The following SP4 variants were observed in gnomAD, a reference collection of about 807,000 sequenced individuals.
SP4 encodes the protein Sp4 transcription factor.
A neutral mutation model predicts 72.8 loss-of-function variants in SP4; 19 were observed. That is an observed-to-expected ratio of 0.26 (90% CI 0.18 to 0.38). The LOEUF (loss-of-function observed/expected upper bound fraction) is 0.38, where lower values mean the gene tolerates loss of function less well. Among genes scored for constraint, SP4 ranks in the 10% least tolerant of loss-of-function variants. The pLI is 1.00. For synonymous variants in SP4, 395 were observed against 333.1 expected, an observed-to-expected ratio of 1.19 and a Z score of -2.02; for missense variants, 1,008 against 926.3, an observed-to-expected ratio of 1.09 and a Z score of -1.14.
At chr7:21,468,233 A>G (rs1784227835) in intron 3 of SP4, among the ~76,000 whole-genome samples, 2 of 152,066 alleles carry the variant, frequency 1.3e-5, no homozygotes, top group South Asian at 4.1e-4. Flanking sequence ...TCTTTATTCT[A>G]CTATTCTGCT....
At chr7:21,428,632 T>C (rs1782712806) in intron 1 of SP4, 45 bp from the exon 2 acceptor site, 6 of 1,486,996 alleles carry the variant, frequency 4.0e-6, no homozygotes, top group South Asian at 3.7e-5. Context: ...ATAATAATCC[T>C]AATAACCTGT....
At chr7:21,480,361 T>C (rs1324147307) in intron 4 of SP4, among the ~76,000 whole-genome samples, 1 of 152,212 alleles carries the variant, frequency 6.6e-6, no homozygotes, top group Non-Finnish European at 1.5e-5. Context: ...GTTCTTGGGC[T>C]TTTCTTATGG....
chr7:21,505,566 C>T (rs1781972906), intron 5 of SP4, among the ~76,000 whole-genome samples: 1 of 152,184 alleles, frequency 6.6e-6, no homozygotes, highest in Non-Finnish European at 1.5e-5. Context: ...TCTTCCCATT[C>T]AAAGGCAAAG....
At chr7:21,481,854 T>C in intron 4 of SP4, 70 bp from the exon 5 acceptor site, 2 of 1,110,928 alleles carry the variant, frequency 1.8e-6, no homozygotes, top group Non-Finnish European at 1.4e-6. Flanking sequence ...CTTGATTCTT[T>C]TTAATTTTTC....
intron 5 of SP4, among the ~76,000 whole-genome samples, chr7:21,500,963 T>A (rs887068200): frequency 6.6e-6 from 1 of 152,146 alleles, no homozygotes; most frequent in Non-Finnish European, 1.5e-5. Context: ...CTTTTAATGG[T>A]GGTCTTGCAA....
intron 3 of SP4, among the ~76,000 whole-genome samples, chr7:21,469,402 A>G (rs1784261315): frequency 1.3e-5 from 2 of 152,090 alleles, no homozygotes; most frequent in Admixed American, 6.6e-5. Flanking sequence ...TTCTATGGTG[A>G]GCATGCTTTG....
intron 3 of SP4, among the ~76,000 whole-genome samples, chr7:21,447,930 C>T (rs942162660): frequency 1.3e-5 from 2 of 152,170 alleles, no homozygotes; most frequent in Non-Finnish European, 1.5e-5. Context: ...GTGATCCTCT[C>T]GCTTCGGCCT....
intron 3 of SP4, among the ~76,000 whole-genome samples, chr7:21,431,134 G>A (rs1274497899): frequency 6.6e-6 from 1 of 152,124 alleles, no homozygotes; most frequent in Non-Finnish European, 1.5e-5. Context: ...TAATTTAGTG[G>A]TCTTATTTGA....
intron 3 of SP4, among the ~76,000 whole-genome samples, chr7:21,459,901 TC>T (rs1783900009): frequency 6.6e-6 from 1 of 152,178 alleles, no homozygotes; most frequent in African/African-American, 2.4e-5. Flanking sequence ...AAGGTTATGT[TC>T]CAGTTGAGGA....
chr7:21,442,001 TGTGTTTGTGTGTG>T, intron 3 of SP4, among the ~76,000 whole-genome samples: 1 of 91,142 alleles, frequency 1.1e-5, no homozygotes, highest in Non-Finnish European at 2.3e-5. Context: ...TATGTGTGTG[TGTGTTTGTGTGTG>T]TGTGTGTGTG....
chr7:21,445,919 A>C (rs989640542), intron 3 of SP4, among the ~76,000 whole-genome samples: 1 of 152,048 alleles, frequency 6.6e-6, no homozygotes, highest in Non-Finnish European at 1.5e-5. Flanking sequence ...AATATACGAA[A>C]ATAGAATAGT....
intron 4 of SP4, among the ~76,000 whole-genome samples, chr7:21,480,053 T>C (rs1172108798): frequency 1.3e-5 from 2 of 152,174 alleles, no homozygotes; most frequent in African/African-American, 4.8e-5. Flanking sequence ...GGTCATGGAA[T>C]CTGTGAACAG....
chr7:21,490,143 A>G (rs1784938291), intron 5 of SP4, among the ~76,000 whole-genome samples: 1 of 152,244 alleles, frequency 6.6e-6, no homozygotes, highest in African/African-American at 2.4e-5. Context: ...AAAGCAAACT[A>G]TAGCAGGCAA....
intron 5 of SP4, among the ~76,000 whole-genome samples, chr7:21,494,518 A>G (rs1785058521): frequency 6.6e-6 from 1 of 152,210 alleles, no homozygotes; most frequent in Non-Finnish European, 1.5e-5. Context: ...TTATAAAAAG[A>G]GTGCCATTTG....
At chr7:21,458,912 A>T (rs377130475) in intron 3 of SP4, among the ~76,000 whole-genome samples, 16 of 152,120 alleles carry the variant, frequency 1.1e-4, no homozygotes, top group Non-Finnish European at 2.4e-4. Flanking sequence ...ATAGCCATCT[A>T]TGGAGTTAGA....
In SP4 at chr7:21,498,360, C is replaced by T. The variant is rs186414303; in HGVS notation, c.2108-12662C>T. Among the ~76,000 whole-genome samples, 39 of 152,220 alleles carry T rather than the reference C, an allele frequency of 2.6e-4. 1 individual carries two copies. The highest frequency in any genetic ancestry group is 3.4e-4 in the African/African-American group (14 of 41,536). On this transcript the variant is annotated intron_variant, in intron 5 of 5. Transcript: ENST00000222584. ...GAGCATCAAATGATTTGGGGATCTA[C>T]GGGGTCCTGGGACCAATCCTAGTGT...
At chr7:21,446,332 T>C (rs17262533) in intron 3 of SP4, among the ~76,000 whole-genome samples, 6,756 of 152,234 alleles carry the variant, frequency 0.044, 173 homozygotes, top group Non-Finnish European at 0.056. Context: ...AAAATGATTC[T>C]TTGGCAGCTG....
intron 3 of SP4, among the ~76,000 whole-genome samples, chr7:21,442,830 G>C (rs1174074236): frequency 6.6e-6 from 1 of 152,154 alleles, no homozygotes; most frequent in African/African-American, 2.4e-5. Flanking sequence ...CTGCCTTCCG[G>C]GTTCAAGTGA....
rs1783815427 is a variant in SP4 at position 21,457,817 on chromosome 7, GGGTCTTGCTCTGTT to G, written c.1679-19259_1679-19246del. Among the ~76,000 whole-genome samples, 3 of 151,900 alleles carry G rather than the reference GGGTCTTGCTCTGTT, an allele frequency of 2.0e-5. No individual in the cohort carries two copies. In the South Asian group the frequency reaches 6.2e-4, roughly 32 times the overall value. On this transcript the variant is annotated intron_variant, in intron 3 of 5. Transcript: ENST00000222584. ...TGTGTGTGTTTGTGTTTAGGAGTTG[GGGTCTTGCTCTGTT>G]GGCCAAGACGGGAGTGCAGTCGCAC...
Sources: gnomAD v4.1 joint callset for allele counts (sites outside exome capture counted in the v4.1 genomes callset) on GRCh38, gnomAD v4.1.1 for gene constraint, MANE v1.5 for transcripts, NCBI Gene and HGNC (gene_info 2026-07-23, HGNC 2026-07-21) for gene names.